The following WDR27 variants were observed in gnomAD, a reference collection of about 807,000 sequenced individuals.
WDR27 encodes the protein WD repeat-containing protein 27.
In WDR27, 100 loss-of-function variants were observed where a neutral mutation model predicts 114.4. That is an observed-to-expected ratio of 0.87 (90% confidence interval 0.74 to 1.03). WDR27 has a LOEUF of 1.03. WDR27 is among the 50% of genes least tolerant of loss of function. WDR27 has a pLI of 0.00. For synonymous variants in WDR27, 449 were observed against 423.1 expected (o/e 1.06, Z -0.75); for missense variants, 1,129 against 1,092.9 (o/e 1.03, Z -0.47).
At chr6:169,478,558 C>T in intron 25 of WDR27, among the ~76,000 whole-genome samples, 1 of 149,880 alleles carries the variant, frequency 6.7e-6, no homozygotes, top group South Asian at 2.1e-4. Context: ...TTTAAATGCC[C>T]AAAGAAAAAA....
At chr6:169,551,293 T>C (rs534838730) in intron 25 of WDR27, among the ~76,000 whole-genome samples, 6 of 152,244 alleles carry the variant, frequency 3.9e-5, no homozygotes, top group African/African-American at 1.4e-4. Flanking sequence ...CTAAGTAATT[T>C]AGACACAGAG....
At chr6:169,555,768 A>T (rs1192184186) in intron 25 of WDR27, among the ~76,000 whole-genome samples, 1 of 152,198 alleles carries the variant, frequency 6.6e-6, no homozygotes, top group Non-Finnish European at 1.5e-5. Context: ...AATAAACCAA[A>T]TTCACTTGAA....
At chr6:169,462,320 C>T (rs1785003939) in intron 25 of WDR27, among the ~76,000 whole-genome samples, 1 of 151,852 alleles carries the variant, frequency 6.6e-6, no homozygotes, top group Admixed American at 6.6e-5. Context: ...GCCTGTAATC[C>T]CAGCTACTCG....
At chr6:169,449,391 T>C in the WDR27 span, among the ~76,000 whole-genome samples, 2 of 152,226 alleles carry the variant, frequency 1.3e-5, no homozygotes, top group African/African-American at 2.4e-5. Context: ...AAAGTTTGAA[T>C]CTATGGAGAC....
intron 25 of WDR27, among the ~76,000 whole-genome samples, chr6:169,571,631 C>T (rs1027966414): frequency 5.9e-5 from 9 of 152,204 alleles, no homozygotes; most frequent in Non-Finnish European, 1.3e-4. Context: ...AGTTCAAGGC[C>T]AGCCTAGGCA....
intron 25 of WDR27, among the ~76,000 whole-genome samples, chr6:169,566,750 A>T (rs1800573157): frequency 6.6e-6 from 1 of 152,194 alleles, no homozygotes; most frequent in African/African-American, 2.4e-5. Context: ...TCTAAAAAGG[A>T]TAATCAGATT....
chr6:169,647,512 A>G (rs979415547), intron 16 of WDR27: 1 of 564,530 alleles, frequency 1.8e-6, no homozygotes, highest in Non-Finnish European at 3.2e-6. Context: ...TGGACACAGA[A>G]CAGCAAATTC....
At chr6:169,553,129 G>A (rs977280900) in intron 25 of WDR27, among the ~76,000 whole-genome samples, 1 of 151,222 alleles carries the variant, frequency 6.6e-6, no homozygotes, top group Non-Finnish European at 1.5e-5. Flanking sequence ...GGGCGGGGAC[G>A]CCATCAGAGA....
intron 23 of WDR27, among the ~76,000 whole-genome samples, chr6:169,583,486 TAC>T (rs369546379): frequency 0.88 from 119,952 of 136,136 alleles, 52,455 homozygotes; most frequent in Admixed American, 0.94. Context: ...TGTGTATATA[TAC>T]ATATATATAT....
intron 22 of WDR27, 45 bp downstream of exon 22, chr6:169,613,514 C>A: frequency 6.7e-7 from 1 of 1,499,480 alleles, no homozygotes; most frequent in South Asian, 1.1e-5. Flanking sequence ...GCTTATATCT[C>A]TTGAGCTCCC....
At chr6:169,654,601 G>C (rs1246458918) in intron 13 of WDR27, among the ~76,000 whole-genome samples, 3 of 152,224 alleles carry the variant, frequency 2.0e-5, no homozygotes, top group Non-Finnish European at 4.4e-5. Context: ...CGGTTTCCAG[G>C]TTCTTGGCAC....
chr6:169,542,783 A>G (rs1463478849), intron 25 of WDR27, among the ~76,000 whole-genome samples: 1 of 91,300 alleles, frequency 1.1e-5, no homozygotes, highest in Non-Finnish European at 3.1e-5. Flanking sequence ...TAAATTTATA[A>G]TATATACACA....
chr6:169,638,782 C>G, intron 17 of WDR27, 122 bp from the exon 18 acceptor site: 2 of 1,268,828 alleles, frequency 1.6e-6, no homozygotes, highest in South Asian at 2.9e-5. Context: ...TAATTAGGGG[C>G]GCGCCAGGAG....
rs1391572281 is a variant in WDR27 at position 169,582,828 on chromosome 6, G to A, written c.2523+8C>T. ...CAGAGGCGCCCCACCCACTCAGCAAGACTGTACCTGGGGCGCTGATGGGTT... is the reference window on the plus strand; with the variant it reads ...CAGAGGCGCCCCACCCACTCAGCAAAACTGTACCTGGGGCGCTGATGGGTT... On this transcript the variant is annotated splice_region_variant and intron_variant, in intron 24 of 25. Transcript: ENST00000448612. 7 of 1,611,250 alleles carry A rather than the reference G, an allele frequency of 4.3e-6. No individual in the cohort carries two copies. Among genetic ancestry groups the A allele is most frequent in the Non-Finnish European group, 5.9e-6 (7 of 1,177,932 alleles).
chr6:169,652,589 A>C (rs1332505244), intron 13 of WDR27, among the ~76,000 whole-genome samples: 5 of 152,118 alleles, frequency 3.3e-5, no homozygotes, highest in African/African-American at 1.2e-4. Flanking sequence ...GTTGACAAAA[A>C]CTCTGACATC....
intron 25 of WDR27, among the ~76,000 whole-genome samples, chr6:169,463,154 A>G (rs1785124366): frequency 6.6e-6 from 1 of 152,176 alleles, no homozygotes; most frequent in African/African-American, 2.4e-5. Context: ...CATTTCTAAG[A>G]TGGCATCTTG....
At chr6:169,449,439 A>G in the WDR27 span, among the ~76,000 whole-genome samples, 2 of 152,186 alleles carry the variant, frequency 1.3e-5, no homozygotes, top group Non-Finnish European at 2.9e-5. Context: ...TTTCTTTCAC[A>G]TAGTGCAGCA....
chr6:169,557,107 C>T (rs1232351820), intron 25 of WDR27, among the ~76,000 whole-genome samples: 1 of 152,140 alleles, frequency 6.6e-6, no homozygotes, highest in Non-Finnish European at 1.5e-5. Context: ...ATTTTTATGG[C>T]AGCATTATTT....
At chr6:169,651,183 C>CGGGGGGGGGGGGGGGGGGGGG (rs763059214) in intron 14 of WDR27, among the ~76,000 whole-genome samples, 2 of 7,718 alleles carry the variant, frequency 2.6e-4, no homozygotes, top group Admixed American at 1.4e-3. Flanking sequence ...CAGTGCGGGG[C>CGGGGGGGGGGGGGGGGGGGGG]GGGGGGGGGG....
Sources: allele counts gnomAD v4.1 joint callset (sites outside exome capture counted in the v4.1 genomes callset), GRCh38; gene constraint gnomAD v4.1.1; transcripts MANE v1.5; gene names NCBI Gene and HGNC (gene_info 2026-07-23, HGNC 2026-07-21).